The following SLIT3 variants were observed in gnomAD, a reference collection of about 807,000 sequenced individuals.
SLIT3 encodes slit guidance ligand 3.
A neutral mutation model predicts 184.0 loss-of-function variants in SLIT3; 68 were observed. The ratio of observed to expected loss-of-function variants is 0.37; its 90% confidence interval spans 0.30 to 0.45. The LOEUF (loss-of-function observed/expected upper bound fraction) is 0.45, where lower values mean the gene tolerates loss of function less well. Ranked by LOEUF, SLIT3 falls within the 20% of genes least tolerant of loss-of-function variation. The pLI is 1.00. For missense variants in SLIT3, 1,707 were observed against 2,026.0 expected (o/e 0.84, Z 3.02); for synonymous variants, 831 against 828.6 (o/e 1.00, Z -0.05).
intron 4 of SLIT3, among the ~76,000 whole-genome samples, chr5:169,165,542 A>G (rs1762610676): frequency 6.6e-6 from 1 of 152,192 alleles, no homozygotes; most frequent in Non-Finnish European, 1.5e-5. Flanking sequence ...TCATCCATAC[A>G]ACCCTATTTT....
chr5:169,090,543 C>T (rs1477539964), intron 4 of SLIT3, among the ~76,000 whole-genome samples: 1 of 152,226 alleles, frequency 6.6e-6, no homozygotes, highest in Non-Finnish European at 1.5e-5. Flanking sequence ...GAATAGGGGC[C>T]TTCGTAGGCT....
intron 4 of SLIT3, among the ~76,000 whole-genome samples, chr5:169,146,371 C>T (rs541197616): frequency 1.3e-5 from 2 of 152,318 alleles, no homozygotes; most frequent in South Asian, 2.1e-4. Context: ...TAACCAATGG[C>T]GGTTTTCTCT....
chr5:169,132,365 T>C (rs1225522005), intron 4 of SLIT3, among the ~76,000 whole-genome samples: 1 of 152,150 alleles, frequency 6.6e-6, no homozygotes, highest in African/African-American at 2.4e-5. Flanking sequence ...CAAGAAACTG[T>C]GTTATATCCA....
intron 23 of SLIT3, among the ~76,000 whole-genome samples, chr5:168,713,586 A>G (rs1383222976): frequency 1.3e-5 from 2 of 152,256 alleles, no homozygotes; most frequent in Non-Finnish European, 2.9e-5. Context: ...GCAGGCAGTG[A>G]GTCCTAGTAG....
At chr5:168,907,985 G>GAC (rs1198333299) in intron 4 of SLIT3, among the ~76,000 whole-genome samples, 1 of 134,628 alleles carries the variant, frequency 7.4e-6, no homozygotes, top group Non-Finnish European at 1.6e-5. Context: ...TATATAGAGA[G>GAC]AGAGAGAGAG....
intron 4 of SLIT3, among the ~76,000 whole-genome samples, chr5:168,896,588 C>A (rs1760670219): frequency 6.6e-6 from 1 of 152,182 alleles, no homozygotes; most frequent in Admixed American, 6.5e-5. Flanking sequence ...TCAAAGCTTT[C>A]CTGGGGCCTG....
intron 11 of SLIT3, among the ~76,000 whole-genome samples, chr5:168,786,276 C>T (rs1756151151): frequency 6.6e-6 from 1 of 152,158 alleles, no homozygotes; most frequent in Non-Finnish European, 1.5e-5. Context: ...TGGTATCTCC[C>T]TAAGCTGCTA....
chr5:168,778,891 A>G (rs1230337033), intron 12 of SLIT3, among the ~76,000 whole-genome samples: 5 of 152,206 alleles, frequency 3.3e-5, no homozygotes, highest in Admixed American at 2.6e-4. Context: ...TGAATACTGT[A>G]TTCATCGGTA....
At chr5:168,902,988 G>A (rs1261681355) in intron 4 of SLIT3, among the ~76,000 whole-genome samples, 1 of 152,182 alleles carries the variant, frequency 6.6e-6, no homozygotes, top group Non-Finnish European at 1.5e-5. Context: ...GGACGAGAAG[G>A]AGCCATGGAA....
intron 4 of SLIT3, among the ~76,000 whole-genome samples, chr5:169,164,711 T>C (rs990507527): frequency 6.6e-6 from 1 of 152,208 alleles, no homozygotes; most frequent in African/African-American, 2.4e-5. Context: ...CATGGCTGCT[T>C]TTATCTCCAG....
At chr5:169,143,556 C>T (rs915287976) in intron 4 of SLIT3, among the ~76,000 whole-genome samples, 1 of 152,172 alleles carries the variant, frequency 6.6e-6, no homozygotes, top group Non-Finnish European at 1.5e-5. Flanking sequence ...CCCAGCACTT[C>T]GGGAGGCCGA....
rs1250214005 is a variant in SLIT3 at position 168,884,556 on chromosome 5, A to ATATATATATATATATATAT, written c.414-1239_414-1221dup. ...TACTGCTACCAATTACGAGATATAT[A>ATATATATATATATATATAT]TATATATATATATATATATATATAT... On this transcript the variant is annotated intron_variant, in intron 4 of 35. Coordinates refer to ENST00000519560, the MANE Select transcript of SLIT3 (RefSeq NM_003062.4). Among the ~76,000 whole-genome samples, 69 of 106,224 alleles carry ATATATATATATATATATAT rather than the reference A, an allele frequency of 6.5e-4. 5 individuals carry two copies. The highest frequency in any genetic ancestry group is 1.3e-3 in the Non-Finnish European group (64 of 48,344). 69.7% of individuals were successfully genotyped at this position (106,224 alleles called of 152,430 possible).
At chr5:168,871,589 T>G (rs1759522459) in intron 5 of SLIT3, among the ~76,000 whole-genome samples, 1 of 152,110 alleles carries the variant, frequency 6.6e-6, no homozygotes, top group African/African-American at 2.4e-5. Context: ...GTGATGAAGT[T>G]AAATATCTTT....
intron 28 of SLIT3, among the ~76,000 whole-genome samples, chr5:168,693,556 A>C (rs765448477): frequency 3.3e-5 from 5 of 152,216 alleles, no homozygotes; most frequent in Non-Finnish European, 7.3e-5. Context: ...CCAGCTTTTA[A>C]GATCCGAGTT....
At chr5:168,749,232 A>G (rs541881008) in intron 19 of SLIT3, among the ~76,000 whole-genome samples, 131 of 152,334 alleles carry the variant, frequency 8.6e-4, no homozygotes, top group Non-Finnish European at 1.5e-3. Flanking sequence ...TGAAATCAAT[A>G]TATTATGACA....
chr5:168,893,058 T>C (rs568962856), intron 4 of SLIT3, among the ~76,000 whole-genome samples: 1 of 152,344 alleles, frequency 6.6e-6, no homozygotes, highest in South Asian at 2.1e-4. Flanking sequence ...GGGGTACAAC[T>C]GCGATTTTGG....
At chr5:169,227,595 T>G (rs1385714668) in intron 3 of SLIT3, among the ~76,000 whole-genome samples, 2 of 152,100 alleles carry the variant, frequency 1.3e-5, no homozygotes, top group East Asian at 3.9e-4. Flanking sequence ...ACCCAGCCAA[T>G]TTTTCTATTT....
Position 168,946,767 on chromosome 5 carries a change from C to A in SLIT3, c.414-63431G>T, listed in dbSNP as rs1359038568. ...CCAGCCTTCATCCCTCATTCTCACC[C>A]CTTCCCTACTCTTTGCTCAGTTACT... On this transcript the variant is annotated intron_variant, in intron 4 of 35. Coordinates refer to ENST00000519560, the MANE Select transcript of SLIT3 (RefSeq NM_003062.4). 2.6e-5 allele frequency among the ~76,000 whole-genome samples: 4 copies of A among 152,306 alleles called. No individual in the cohort carries two copies. The South Asian group carries it at 8.3e-4, about 32-fold the overall frequency.
At chr5:169,025,369 G>C (rs772965259) in intron 4 of SLIT3, among the ~76,000 whole-genome samples, 1 of 152,170 alleles carries the variant, frequency 6.6e-6, no homozygotes, top group African/African-American at 2.4e-5. Flanking sequence ...AACATCTCTG[G>C]CCTATAGGTG....
Sources: gnomAD v4.1 joint callset for allele counts (sites outside exome capture counted in the v4.1 genomes callset) on GRCh38, gnomAD v4.1.1 for gene constraint, MANE v1.5 for transcripts, NCBI Gene and HGNC (gene_info 2026-07-23, HGNC 2026-07-21) for gene names.